GRIA4: variants seen among roughly 807,000 people sequenced by gnomAD.
GRIA4 encodes the protein glutamate ionotropic receptor AMPA type subunit 4.
Under a neutral mutation model 104.0 loss-of-function variants are expected in GRIA4, and 34 were observed. The observed-to-expected ratio is 0.33, with a 90% CI of 0.25 to 0.44. GRIA4 has a LOEUF of 0.44. Among genes scored for constraint, GRIA4 ranks in the 20% least tolerant of loss-of-function variants. GRIA4 has a pLI of 1.00. For missense variants in GRIA4, 750 were observed against 1,096.5 expected (o/e 0.68, Z 4.46); for synonymous variants, 386 against 381.9 (o/e 1.01, Z -0.13).
chr11:105,908,383 A>C (rs1024674026), intron 9 of GRIA4, among the ~76,000 whole-genome samples: 21 of 152,132 alleles, frequency 1.4e-4, no homozygotes, highest in Non-Finnish European at 1.5e-4. Flanking sequence ...TCATGGGAAA[A>C]GTTCTTAATA....
intron 13 of GRIA4, among the ~76,000 whole-genome samples, chr11:105,929,271 T>C (rs1371417016): frequency 2.0e-5 from 3 of 152,058 alleles, no homozygotes; most frequent in African/African-American, 7.2e-5. Flanking sequence ...AACACAATAA[T>C]GGTACATCTA....
intron 14 of GRIA4, among the ~76,000 whole-genome samples, chr11:105,937,076 C>A (rs1177108012): frequency 6.6e-6 from 1 of 152,036 alleles, no homozygotes; most frequent in African/African-American, 2.4e-5. Flanking sequence ...TCTATCAGTG[C>A]CATGGTTTTC....
chr11:105,915,496 A>T, intron 10 of GRIA4, among the ~76,000 whole-genome samples: 1 of 152,214 alleles, frequency 6.6e-6, no homozygotes, highest in Non-Finnish European at 1.5e-5. Flanking sequence ...GTTAATATTT[A>T]CTTTCCTTTA....
chr11:105,913,476 T>C, intron 10 of GRIA4: 1 of 547,996 alleles, frequency 1.8e-6, no homozygotes, highest in Non-Finnish European at 2.3e-6. Flanking sequence ...CTAAAAATGT[T>C]ATAAAATCAA....
chr11:105,720,476 GAT>G (rs1369414943), intron 3 of GRIA4, among the ~76,000 whole-genome samples: 1 of 152,068 alleles, frequency 6.6e-6, no homozygotes, highest in African/African-American at 2.4e-5. Flanking sequence ...TTTCTCAAAA[GAT>G]GTGAAAATGT....
intron 4 of GRIA4, among the ~76,000 whole-genome samples, chr11:105,771,398 A>G (rs1197361836): frequency 6.6e-6 from 1 of 151,780 alleles, no homozygotes; most frequent in East Asian, 1.9e-4. Flanking sequence ...TTATTACTCA[A>G]CTCTGCTCTG....
chr11:105,749,453 A>G (rs1034402027), intron 3 of GRIA4, among the ~76,000 whole-genome samples: 11 of 152,188 alleles, frequency 7.2e-5, no homozygotes, highest in Admixed American at 3.9e-4. Context: ...GATACAGGAG[A>G]AAGAGAAGGG....
chr11:105,733,827 CT>C (rs34176099), intron 3 of GRIA4, among the ~76,000 whole-genome samples: 75,882 of 150,132 alleles, frequency 0.51, 19,383 homozygotes, highest in Admixed American at 0.6. Flanking sequence ...TTTTGAAACA[CT>C]TTTTTTTTAT....
intron 4 of GRIA4, among the ~76,000 whole-genome samples, chr11:105,786,984 C>T (rs1025778014): frequency 2.6e-5 from 4 of 152,080 alleles, no homozygotes; most frequent in African/African-American, 9.7e-5. Flanking sequence ...TCTGACTCTC[C>T]CAGCTTCTCC....
chr11:105,963,943 A>T (rs966849153), intron 14 of GRIA4, among the ~76,000 whole-genome samples: 2 of 152,152 alleles, frequency 1.3e-5, no homozygotes, highest in African/African-American at 4.8e-5. Flanking sequence ...CTTCATTTTT[A>T]AAAATCTTCA....
rs1946304446 is a variant in GRIA4, at chr11:105,887,436, T to A, written c.673-83T>A. On this transcript the variant is annotated intron_variant, in intron 5 of 16. Transcript: ENST00000282499. ...TTTCCCATCATGATTCTACATGGAA[T>A]TATGCTAAAATAGATAATAATTTTA... The A allele has an allele frequency of 1.6e-5, 10 of 632,258 alleles. No individual in the cohort carries two copies. The South Asian group carries it at 2.1e-4, about 13-fold the overall frequency. The allele number at this position is 632,258 out of a possible 1,614,324, so 39.2% of individuals were successfully genotyped here. A position where few individuals can be genotyped will look rare whatever the true frequency, so the allele number is the denominator to read the frequency against.
chr11:105,974,603 A>C (rs753040131), intron 16 of GRIA4, 159 bp downstream of exon 16: 1 of 1,580,352 alleles, frequency 6.3e-7, no homozygotes, highest in Admixed American at 1.7e-5. Context: ...GCATCCTGTG[A>C]ACGCAGTGTT....
chr11:105,692,241 T>C (rs1953114447), intron 3 of GRIA4, among the ~76,000 whole-genome samples: 1 of 152,008 alleles, frequency 6.6e-6, no homozygotes, highest in Non-Finnish European at 1.5e-5. Context: ...TATATAATCA[T>C]TTCCTCTTTT....
At chr11:105,871,833 T>A (rs1443288141) in intron 5 of GRIA4, among the ~76,000 whole-genome samples, 1 of 152,112 alleles carries the variant, frequency 6.6e-6, no homozygotes, top group Non-Finnish European at 1.5e-5. Flanking sequence ...TATTTAATAT[T>A]GAAGATTACT....
chr11:105,752,350 C>T lies in GRIA4; in HGVS notation c.248-631C>T, dbSNP rs564619032. On this transcript the variant is annotated intron_variant, in intron 3 of 16. Coordinates refer to ENST00000282499, the MANE Select transcript of GRIA4 (RefSeq NM_000829.4). ...GCTGGCCCCAATTCATTAAGCCTCT[C>T]AGATATTCCAAGAATGACTTTCTAG... Among the ~76,000 whole-genome samples the T allele has an allele frequency of 3.4e-4, 51 of 152,212 alleles. 3 individuals carry two copies. The South Asian group carries it at 0.01, about 30-fold the overall frequency.
At chr11:105,890,961 G>A (rs1946432371) in intron 6 of GRIA4, among the ~76,000 whole-genome samples, 1 of 152,172 alleles carries the variant, frequency 6.6e-6, no homozygotes, top group Non-Finnish European at 1.5e-5. Context: ...TAGAGGTACT[G>A]GTGAAAGCGT....
intron 4 of GRIA4, among the ~76,000 whole-genome samples, chr11:105,769,307 T>C (rs1941101071): frequency 6.6e-6 from 1 of 152,012 alleles, no homozygotes; most frequent in Non-Finnish European, 1.5e-5. Flanking sequence ...AGGCAAATCA[T>C]TTTGCTTAGA....
chr11:105,793,264 C>CCCTT (rs1942296266), intron 4 of GRIA4, among the ~76,000 whole-genome samples: 1 of 152,136 alleles, frequency 6.6e-6, no homozygotes, highest in Admixed American at 6.6e-5. Flanking sequence ...CACAAGTCTG[C>CCCTT]ACCATTTCCC....
At chr11:105,927,232 T>C (rs1371660215) in intron 13 of GRIA4, among the ~76,000 whole-genome samples, 1 of 152,158 alleles carries the variant, frequency 6.6e-6, no homozygotes. Context: ...TTGATAATGC[T>C]ATGATAATAT....
Sources: gnomAD v4.1 joint callset for allele counts (sites outside exome capture counted in the v4.1 genomes callset) on GRCh38, gnomAD v4.1.1 for gene constraint, MANE v1.5 for transcripts, NCBI Gene and HGNC (gene_info 2026-07-23, HGNC 2026-07-21) for gene names.